Variants in TCF12 observed in about 807,000 individuals in gnomAD.
The protein encoded by TCF12 is transcription factor 12, also known as DNA-binding protein HTF4.
In TCF12, 45 loss-of-function variants were observed where a neutral mutation model predicts 86.0. That is an observed-to-expected ratio of 0.52 (90% CI 0.41 to 0.67). The LOEUF (loss-of-function observed/expected upper bound fraction) is 0.67. TCF12 is among the 30% of genes least tolerant of loss of function. The pLI is 0.00. For missense variants in TCF12, 881 were observed against 859.9 expected (o/e 1.02, Z -0.31); for synonymous variants, 330 against 299.6 (o/e 1.10, Z -1.05).
chr15:57,213,678 GAAA>G (rs199849599), intron 8 of TCF12, among the ~76,000 whole-genome samples: 27 of 151,074 alleles, frequency 1.8e-4, no homozygotes, highest in African/African-American at 6.1e-4. Flanking sequence ...CAGTTCAGAA[GAAA>G]AAAAAATCGC....
chr15:56,996,146 T>C (rs1596021066), intron 3 of TCF12, among the ~76,000 whole-genome samples: 1 of 152,212 alleles, frequency 6.6e-6, no homozygotes, highest in Non-Finnish European at 1.5e-5. Context: ...TACTTGATCA[T>C]GGTGAAATAC....
At chr15:57,178,242 G>A (rs143454131) in intron 6 of TCF12, among the ~76,000 whole-genome samples, 5 of 152,236 alleles carry the variant, frequency 3.3e-5, no homozygotes, top group Admixed American at 2.6e-4. Flanking sequence ...CTGGGTGATA[G>A]GTACATGAAG....
intron 3 of TCF12, among the ~76,000 whole-genome samples, chr15:56,978,769 T>C (rs1346656506): frequency 1.3e-5 from 2 of 152,180 alleles, no homozygotes; most frequent in African/African-American, 4.8e-5. Flanking sequence ...TACTATCCCT[T>C]AGGCCAGATA....
intron 3 of TCF12, among the ~76,000 whole-genome samples, chr15:56,930,030 A>G (rs2060176886): frequency 6.6e-6 from 1 of 152,196 alleles, no homozygotes; most frequent in African/African-American, 2.4e-5. Flanking sequence ...AATGAACAAG[A>G]TTGACTCATA....
intron 3 of TCF12, chr15:57,001,308 T>C (rs1403547573): frequency 5.6e-6 from 1 of 177,268 alleles, no homozygotes; most frequent in Non-Finnish European, 1.2e-5. Flanking sequence ...TGTTTATATT[T>C]CATTGTCCAG....
At chr15:57,247,111 A>G (rs1294899132) in intron 13 of TCF12, 1 of 573,756 alleles carries the variant, frequency 1.7e-6, no homozygotes, top group African/African-American at 1.9e-5. Flanking sequence ...CCACCACCGT[A>G]GTTACCACCG....
chr15:57,252,963 A>G (rs1407456817), intron 15 of TCF12, among the ~76,000 whole-genome samples: 1 of 133,784 alleles, frequency 7.5e-6, no homozygotes, highest in Non-Finnish European at 1.6e-5. Flanking sequence ...GCTCTTATTG[A>G]GAAATGACAT....
At chr15:57,108,681 G>C (rs553361882) in intron 5 of TCF12, among the ~76,000 whole-genome samples, 19 of 151,948 alleles carry the variant, frequency 1.3e-4, no homozygotes, top group Middle Eastern at 3.4e-3. Context: ...GACATTGTTG[G>C]GGGGTAGGAG....
In TCF12 at chr15:57,135,223, A is replaced by G. The variant is rs77031041; in HGVS notation, c.326-31179A>G. On this transcript the variant is annotated intron_variant, in intron 5 of 20. Transcript: ENST00000333725. ...TGGGATGCAACAAACATCCAGATGGATTTACTTTACATAAAAGAGTTGCAT... is the reference window on the plus strand; with the variant it reads ...TGGGATGCAACAAACATCCAGATGGGTTTACTTTACATAAAAGAGTTGCAT... Among the ~76,000 whole-genome samples, 545 of 152,278 alleles carry G rather than the reference A, an allele frequency of 3.6e-3. 2 individuals are homozygous for G. Among genetic ancestry groups the G allele is most frequent in the African/African-American group, 0.013 (528 of 41,562 alleles).
At chr15:57,051,542 C>T (rs528454704) in intron 3 of TCF12, among the ~76,000 whole-genome samples, 2 of 151,982 alleles carry the variant, frequency 1.3e-5, no homozygotes, top group South Asian at 4.2e-4. Flanking sequence ...CAGGCTGTCT[C>T]GAATTCCTAG....
chr15:56,971,026 G>C (rs533682673), intron 3 of TCF12, among the ~76,000 whole-genome samples: 1 of 152,296 alleles, frequency 6.6e-6, no homozygotes, highest in African/African-American at 2.4e-5. Flanking sequence ...CAGTCTGGGC[G>C]ACAAGAGTTA....
At chr15:57,192,785 A>C (rs1181925673) in intron 7 of TCF12, among the ~76,000 whole-genome samples, 1 of 152,218 alleles carries the variant, frequency 6.6e-6, no homozygotes, top group African/African-American at 2.4e-5. Context: ...TAAATATTTA[A>C]TAAATGAAAT....
chr15:57,075,836 T>TCTCTC (rs1567371379), intron 4 of TCF12, among the ~76,000 whole-genome samples: 6 of 22,342 alleles, frequency 2.7e-4, no homozygotes, highest in Non-Finnish European at 3.1e-4. Flanking sequence ...CTCTCTCTCT[T>TCTCTC]TTCTTTCTTT....
At chr15:57,199,128 C>T (rs770591790) in intron 8 of TCF12, among the ~76,000 whole-genome samples, 1 of 152,290 alleles carries the variant, frequency 6.6e-6, no homozygotes, top group East Asian at 1.9e-4. Context: ...TGCATAAGCA[C>T]TTGGGCCCAC....
chr15:57,002,320 A>G (rs1453981770), intron 3 of TCF12, among the ~76,000 whole-genome samples: 1 of 152,238 alleles, frequency 6.6e-6, no homozygotes, highest in Non-Finnish European at 1.5e-5. Context: ...ACACAAAGGA[A>G]TAACCAAATA....
At chr15:57,204,192 T>A (rs1480931339) in intron 8 of TCF12, among the ~76,000 whole-genome samples, 1 of 152,018 alleles carries the variant, frequency 6.6e-6, no homozygotes, top group African/African-American at 2.4e-5. Flanking sequence ...TCCCAGCACT[T>A]TGGGAGGCCA....
At chr15:57,075,461 G>A (rs2151020951) in intron 4 of TCF12, among the ~76,000 whole-genome samples, 1 of 152,092 alleles carries the variant, frequency 6.6e-6, no homozygotes, top group East Asian at 1.9e-4. Context: ...ATTAGTTGTG[G>A]AAAACAAAAA....
At chr15:57,074,577 G>T (rs1596397994) in intron 4 of TCF12, among the ~76,000 whole-genome samples, 1 of 152,116 alleles carries the variant, frequency 6.6e-6, no homozygotes, top group South Asian at 2.1e-4. Flanking sequence ...GCACAGTCAT[G>T]GCTTACTGCA....
chr15:57,056,724 G>A (rs1268616457), intron 3 of TCF12, among the ~76,000 whole-genome samples: 1 of 151,900 alleles, frequency 6.6e-6, no homozygotes, highest in African/African-American at 2.4e-5. Context: ...CTCCCAAAGT[G>A]CTGGGATTAC....
Sources: allele counts gnomAD v4.1 joint callset (sites outside exome capture counted in the v4.1 genomes callset), GRCh38; gene constraint gnomAD v4.1.1; transcripts MANE v1.5; gene names NCBI Gene and HGNC (gene_info 2026-07-23, HGNC 2026-07-21).